The following CA12 variants were observed in gnomAD, a reference collection of about 807,000 sequenced individuals.
The protein encoded by CA12 is carbonic anhydrase 12, also known as carbonate dehydratase XII.
A neutral mutation model predicts 46.8 loss-of-function variants in CA12; 36 were observed. The ratio of observed to expected loss-of-function variants is 0.77; its 90% confidence interval spans 0.59 to 1.02. CA12 has a LOEUF of 1.02. CA12 is among the 50% of genes least tolerant of loss of function. CA12 has a pLI of 0.00. For missense variants in CA12, 436 were observed against 451.4 expected, an observed-to-expected ratio of 0.97 and a Z score of 0.31; for synonymous variants, 202 against 187.0, an observed-to-expected ratio of 1.08 and a Z score of -0.65.
Position 63,340,888 on chromosome 15 carries a change from C to A in CA12, c.526-105G>T. ...CAAAGCTGTGGGTATGTTGCCACCA[C>A]TGCCTGAAGGATCCACTTTACTGGA... On this transcript the variant is annotated intron_variant, in intron 5 of 10. Coordinates refer to ENST00000178638, the MANE Select transcript of CA12 (RefSeq NM_001218.5). This position sits in a 1 kb window ranked among gnomAD's most constrained non-coding sequence, Gnocchi z 4.4. 1 of 909,714 alleles carries A rather than the reference C, an allele frequency of 1.1e-6. No individual in the cohort carries two copies. The highest frequency in any genetic ancestry group is 1.8e-6 in the Non-Finnish European group (1 of 550,502). 56.4% of individuals were successfully genotyped at this position (909,714 alleles called of 1,614,324 possible).
At chr15:63,336,545 T>A (rs1483315401) in intron 8 of CA12, among the ~76,000 whole-genome samples, 2 of 91,920 alleles carry the variant, frequency 2.2e-5, no homozygotes, top group African/African-American at 8.2e-5. Context: ...CAACCTGGCT[T>A]TTTTTTTTTT....
chr15:63,359,101 T>G (rs577355783), intron 2 of CA12, among the ~76,000 whole-genome samples: 1 of 152,060 alleles, frequency 6.6e-6, no homozygotes, highest in East Asian at 1.9e-4. Context: ...TCCCCTGGGG[T>G]GAAGCTGTCC....
Position 63,328,626 on chromosome 15 carries a change from G to A in CA12, c.875-496C>T, listed in dbSNP as rs1487771795. On this transcript the variant is annotated intron_variant, in intron 8 of 10. Transcript: ENST00000178638. The surrounding 1 kb of genome is among the most constrained non-coding windows in gnomAD (Gnocchi z 5.9). ...TGGGATTATAGGCGTGAGCCCCTGCGCCCGGCCCCGATGCTCCTTTATCAC... is the reference window on the plus strand; with the variant it reads ...TGGGATTATAGGCGTGAGCCCCTGCACCCGGCCCCGATGCTCCTTTATCAC... Among the ~76,000 whole-genome samples, 1 of 152,056 alleles carries A rather than the reference G, an allele frequency of 6.6e-6. No individual in the cohort carries two copies. The highest frequency in any genetic ancestry group is 2.4e-5 in the African/African-American group (1 of 41,404).
At chr15:63,361,684 T>C (rs1351225094) in intron 2 of CA12, among the ~76,000 whole-genome samples, 1 of 151,954 alleles carries the variant, frequency 6.6e-6, no homozygotes, top group Non-Finnish European at 1.5e-5. Flanking sequence ...CTTGATGGAG[T>C]TGGCTGCTCT....
intron 2 of CA12, among the ~76,000 whole-genome samples, chr15:63,360,443 T>A (rs145914773): frequency 3.3e-4 from 50 of 152,312 alleles, no homozygotes; most frequent in Middle Eastern, 3.4e-3. Context: ...TACATAAACG[T>A]CCTTTAAAAG....
At chr15:63,342,165 G>C in intron 4 of CA12, 68 bp from the exon 5 acceptor site, 1 of 1,006,436 alleles carries the variant, frequency 9.9e-7, no homozygotes, top group African/African-American at 1.6e-5. Flanking sequence ...TTCTGCAGAA[G>C]ACTTGACTCC....
intron 2 of CA12, among the ~76,000 whole-genome samples, chr15:63,354,339 T>G (rs558204226): frequency 4.6e-5 from 7 of 152,334 alleles, no homozygotes; most frequent in African/African-American, 1.7e-4. Flanking sequence ...TTCTTGGATT[T>G]TACATTATAG....
At chr15:63,351,426 T>A (rs2039230604) in intron 2 of CA12, among the ~76,000 whole-genome samples, 1 of 151,846 alleles carries the variant, frequency 6.6e-6, no homozygotes, top group Non-Finnish European at 1.5e-5. Context: ...ATCCGTACAC[T>A]CCCTTTCTCC....
At chr15:63,370,234 G>A (rs993489830) in intron 2 of CA12, among the ~76,000 whole-genome samples, 1 of 151,984 alleles carries the variant, frequency 6.6e-6, no homozygotes, top group Admixed American at 6.6e-5. Context: ...GCCGAGGCGG[G>A]AGGCTCATTT....
rs1466130372 is a variant in CA12 at position 63,378,262 on chromosome 15, C to A, written c.86-2584G>T. 6.6e-6 allele frequency among the ~76,000 whole-genome samples: 1 copy of A among 152,158 alleles called. No homozygotes were observed. The highest frequency in any genetic ancestry group is 2.4e-5 in the African/African-American group (1 of 41,430). On this transcript the variant is annotated intron_variant, in intron 1 of 10. Transcript: ENST00000178638. The surrounding 1 kb of genome is among the most constrained non-coding windows in gnomAD (Gnocchi z 4.8). ...AATTAGGCAGGCGTGGTGGCGGGTG[C>A]CTGTAATCCCAGCTGCTGGGGAGGC... is the stretch of plus-strand genomic sequence containing the variant.
chr15:63,349,522 G>GCCTCCT (rs950882917), intron 2 of CA12, among the ~76,000 whole-genome samples: 1 of 151,902 alleles, frequency 6.6e-6, no homozygotes, highest in Non-Finnish European at 1.5e-5. Context: ...CCTTGTCTTC[G>GCCTCCT]CCTCCTCCTC....
At chr15:63,344,767 C>T (rs1256419495) in intron 4 of CA12, among the ~76,000 whole-genome samples, 1 of 152,114 alleles carries the variant, frequency 6.6e-6, no homozygotes, top group African/African-American at 2.4e-5. Context: ...TATTGGAGTG[C>T]CAAAATGGAG....
intron 2 of CA12, among the ~76,000 whole-genome samples, chr15:63,368,191 C>T (rs930962352): frequency 6.6e-6 from 1 of 152,168 alleles, no homozygotes; most frequent in Non-Finnish European, 1.5e-5. Context: ...AAGATATATC[C>T]CAATTTCAGA....
rs76076752 is a variant in CA12 at position 63,335,026 on chromosome 15, G to C, written c.874+3793C>G. Among the ~76,000 whole-genome samples, 11 of 152,284 alleles carry C rather than the reference G, an allele frequency of 7.2e-5. No individual in the cohort carries two copies. The East Asian group carries it at 1.9e-3, about 27-fold the overall frequency. ...CCTATGACATCAGTGAAAACAATGA[G>C]TTCTGGGCCGCAGAAACCCTGGGGC... On this transcript the variant is annotated intron_variant, in intron 8 of 10. Coordinates refer to ENST00000178638, the MANE Select transcript of CA12 (RefSeq NM_001218.5).
chr15:63,332,755 A>C (rs1232916609), intron 8 of CA12, among the ~76,000 whole-genome samples: 1 of 152,190 alleles, frequency 6.6e-6, no homozygotes, highest in African/African-American at 2.4e-5. Flanking sequence ...AAAAGGTGAC[A>C]ACTGGCCAGG....
rs2152608064 is a variant in CA12, at chr15:63,324,442, T to A, written c.*1843A>T. 6.6e-6 allele frequency: 1 copy of A among 152,386 alleles called. No homozygotes were observed. The highest frequency in any genetic ancestry group is 2.1e-4 in the South Asian group (1 of 4,832). 9.4% of individuals were successfully genotyped at this position (152,386 alleles called of 1,614,324 possible). ...AGGCCAAGAGGCCCCCTAATTCATG[T>A]TGCTTCGTCATGAGGGTTGTCCTTG... On this transcript the variant is annotated 3_prime_UTR_variant, in exon 11 of 11. Transcript: ENST00000178638.
rs1380513772 is a variant in CA12, at chr15:63,348,985, A to G, written c.107-2276T>C. ...ATTTGGGGGGCAGGAAAGACTAAGG[A>G]TATTAAAGGCAGTAGAGTTGGTGTT... On this transcript the variant is annotated intron_variant, in intron 2 of 10. Coordinates refer to ENST00000178638, the MANE Select transcript of CA12 (RefSeq NM_001218.5). This position sits in a 1 kb window ranked among gnomAD's most constrained non-coding sequence, Gnocchi z 4.6. Among the ~76,000 whole-genome samples, 1 of 152,240 alleles carries G rather than the reference A, an allele frequency of 6.6e-6. No homozygotes were observed. Among genetic ancestry groups the G allele is most frequent in the Non-Finnish European group, 1.5e-5 (1 of 68,042 alleles).
At position 63,340,366 on chromosome 15, in the gene CA12, C is replaced by A. The variant is rs2039061504; in HGVS notation, c.669G>T (p.Gly223=). The change falls in exon 7 of 11, where the codon GGG becomes GGT. Residue 223 remains glycine (G), a synonymous_variant. Coordinates refer to ENST00000178638, the MANE Select transcript of CA12 (RefSeq NM_001218.5). This position sits in a 1 kb window ranked among gnomAD's most constrained non-coding sequence, Gnocchi z 4.4. ...ERTAEYYRYR[G]SLTTPPCNPT... is the part of the protein sequence containing the mutation. ...GGTTGCAAGGGGGTGTGGTCAGGGA[C>A]CCCCGGTAGCGGTAATATTCAGCGG... is the stretch of plus-strand genomic sequence containing the variant. The A allele has an allele frequency of 6.2e-7, 1 of 1,614,112 alleles. No homozygotes were observed. Among genetic ancestry groups the A allele is most frequent in the Non-Finnish European group, 8.5e-7 (1 of 1,179,996 alleles).
intron 2 of CA12, among the ~76,000 whole-genome samples, chr15:63,371,200 A>G (rs1226862370): frequency 2.6e-5 from 4 of 152,210 alleles, no homozygotes; most frequent in Admixed American, 6.5e-5. Context: ...CCGCAGATAC[A>G]GGACAGAAGG....
Sources: gnomAD v4.1 joint callset for allele counts (sites outside exome capture counted in the v4.1 genomes callset) on GRCh38, gnomAD v4.1.1 for gene constraint, Gnocchi (gnomAD v3.1) non-coding constraint, MANE v1.5 for transcripts, NCBI Gene and HGNC (gene_info 2026-07-23, HGNC 2026-07-21) for gene names.